Variants in LARGE1 observed in about 807,000 individuals in gnomAD.
LARGE1 encodes LARGE xylosyl- and glucuronyltransferase 1, also known as xylosyl- and glucuronyltransferase LARGE1.
A neutral mutation model predicts 87.6 loss-of-function variants in LARGE1; 43 were observed. The observed-to-expected ratio is 0.49, with a 90% CI of 0.38 to 0.63. The LOEUF is 0.63. Among genes scored for constraint, LARGE1 ranks in the 30% least tolerant of loss-of-function variants. The pLI, the probability that LARGE1 is intolerant of heterozygous loss-of-function variation, is 0.00. For synonymous variants in LARGE1, 434 were observed against 394.6 expected, an observed-to-expected ratio of 1.10 and a Z score of -1.18; for missense variants, 802 against 1,000.2, an observed-to-expected ratio of 0.80 and a Z score of 2.67.
At chr22:33,151,293 T>A in the LARGE1 span, among the ~76,000 whole-genome samples, 1 of 152,216 alleles carries the variant, frequency 6.6e-6, no homozygotes, top group South Asian at 2.1e-4. Context: ...TGTGTGTGTG[T>A]GTTGACCTTG....
intron 1 of LARGE1, among the ~76,000 whole-genome samples, chr22:33,895,146 A>G (rs2065104797): frequency 6.6e-6 from 1 of 152,126 alleles, no homozygotes; most frequent in South Asian, 2.1e-4. Context: ...TCTGGATGGG[A>G]CACACAAACC....
chr22:33,861,448 C>G (rs968666404), intron 1 of LARGE1: 2 of 152,170 alleles, frequency 1.3e-5, no homozygotes, highest in Non-Finnish European at 2.9e-5. Flanking sequence ...ACAGCAACAA[C>G]AAGAAATCAT....
Position 33,920,272 on chromosome 22 carries a change from G to C in LARGE1, c.-360C>G, listed in dbSNP as rs1284791726. 6.5e-6 allele frequency: 1 copy of C among 152,776 alleles called. No homozygotes were observed. The highest frequency in any genetic ancestry group is 1.5e-5 in the Non-Finnish European group (1 of 68,552). 9.5% of individuals were successfully genotyped at this position (152,776 alleles called of 1,614,324 possible). On this transcript the variant is annotated 5_prime_UTR_variant, in exon 1 of 15. Coordinates refer to ENST00000397394, the MANE Select transcript of LARGE1 (RefSeq NM_133642.5). ...GCCCGGGGGACTCTTCCGAGCCAGG[G>C]GCGCCCCGCATGGGCAGGGGCCTGG...
chr22:33,412,544 A>G lies in LARGE1; in HGVS notation c.892+19617T>C, dbSNP rs531355482. On this transcript the variant is annotated intron_variant, in intron 7 of 14. Transcript: ENST00000397394. ...CAGACGCAAACAACCTTAGAAGCAC[A>G]GAGAGTAAAGTGATTAGGAATTAAC... Among the ~76,000 whole-genome samples, 7 of 152,326 alleles carry G rather than the reference A, an allele frequency of 4.6e-5. No homozygotes were observed. The East Asian group carries it at 1.2e-3, about 25-fold the overall frequency.
At chr22:33,342,337 C>T (rs1449144687) in intron 9 of LARGE1, among the ~76,000 whole-genome samples, 5 of 152,248 alleles carry the variant, frequency 3.3e-5, no homozygotes, top group Middle Eastern at 3.4e-3. Context: ...CTATGGACCC[C>T]GCAAACAAAG....
intron 6 of LARGE1, among the ~76,000 whole-genome samples, chr22:33,452,557 C>A (rs2067973783): frequency 6.6e-6 from 1 of 152,254 alleles, no homozygotes; most frequent in Non-Finnish European, 1.5e-5. Context: ...AGTTTAGTAG[C>A]GAGTGGCAGG....
chr22:33,677,737 T>C (rs564042788), intron 2 of LARGE1, among the ~76,000 whole-genome samples: 1 of 139,718 alleles, frequency 7.2e-6, no homozygotes, highest in South Asian at 2.2e-4. Context: ...GTGGTACCAT[T>C]GCCCTGAGTC....
At chr22:33,792,288 C>T (rs1046069199) in intron 1 of LARGE1, among the ~76,000 whole-genome samples, 4 of 152,140 alleles carry the variant, frequency 2.6e-5, no homozygotes, top group African/African-American at 4.8e-5. Context: ...ATGCTATTCT[C>T]GTGATAATGA....
rs572564493 is a variant in LARGE1, at chr22:33,837,639, C to G, written c.-82-76081G>C. Among the ~76,000 whole-genome samples, 15 of 152,328 alleles carry G rather than the reference C, an allele frequency of 9.8e-5. No homozygotes were observed. The South Asian group carries it at 3.1e-3, about 32-fold the overall frequency. Reference sequence around the variant, plus strand: ...ACTATGATCATCTGAGTCCATGAGGCATCTTCAGGATGCCTCGGAAGAAGA... The same window carrying G: ...ACTATGATCATCTGAGTCCATGAGGGATCTTCAGGATGCCTCGGAAGAAGA... On this transcript the variant is annotated intron_variant, in intron 1 of 14. Coordinates refer to ENST00000397394, the MANE Select transcript of LARGE1 (RefSeq NM_133642.5).
intron 6 of LARGE1, among the ~76,000 whole-genome samples, chr22:33,451,284 G>A (rs752300243): frequency 6.6e-6 from 1 of 151,844 alleles, no homozygotes; most frequent in African/African-American, 2.4e-5. Flanking sequence ...AACAAGAGAG[G>A]GAACACATTT....
chr22:33,865,737 A>G (rs1178043578), intron 1 of LARGE1, among the ~76,000 whole-genome samples: 1 of 147,936 alleles, frequency 6.8e-6, no homozygotes, highest in African/African-American at 2.5e-5. Context: ...TTAACTTCTG[A>G]CTCTTGTTAA....
At chr22:33,402,561 G>T (rs1204024881) in intron 7 of LARGE1, among the ~76,000 whole-genome samples, 1 of 152,132 alleles carries the variant, frequency 6.6e-6, no homozygotes, top group Non-Finnish European at 1.5e-5. Flanking sequence ...ACCTTGGGCA[G>T]GTTACTTAAT....
chr22:33,441,071 C>CTTTTTTTTTTTTTTTTTTTTTTT lies in LARGE1; in HGVS notation c.788-8807_788-8806insAAAAAAAAAAAAAAAAAAAAAAA, dbSNP rs35976426. Among the ~76,000 whole-genome samples, 18 of 98,522 alleles carry CTTTTTTTTTTTTTTTTTTTTTTT rather than the reference C, an allele frequency of 1.8e-4. 1 individual carries two copies. Among genetic ancestry groups the CTTTTTTTTTTTTTTTTTTTTTTT allele is most frequent in the African/African-American group, 7.8e-4 (16 of 20,394 alleles). The allele number at this position is 98,522 out of a possible 152,430, so 64.6% of individuals were successfully genotyped here. On this transcript the variant is annotated intron_variant, in intron 6 of 14. Transcript: ENST00000397394. ...CTCAGCTGCTGCTATTTTGTTTGAA[C>CTTTTTTTTTTTTTTTTTTTTTTT]TTTTTTTTTTTTTTTTTTTTGAGAG...
intron 11 of LARGE1, among the ~76,000 whole-genome samples, chr22:33,255,681 A>AT (rs927029328): frequency 2.6e-5 from 4 of 152,010 alleles, no homozygotes; most frequent in African/African-American, 4.8e-5. Flanking sequence ...TCTTTATTTG[A>AT]TTTTTTAAGT....
At chr22:33,425,349 T>G (rs1028629655) in intron 7 of LARGE1, among the ~76,000 whole-genome samples, 3 of 152,176 alleles carry the variant, frequency 2.0e-5, no homozygotes, top group African/African-American at 7.2e-5. Context: ...TGAGAAGGTG[T>G]CCATGTGCAA....
intron 11 of LARGE1, among the ~76,000 whole-genome samples, chr22:33,188,980 C>G (rs192345768): frequency 6.6e-6 from 1 of 151,996 alleles, no homozygotes; most frequent in African/African-American, 2.4e-5. Flanking sequence ...CTTCAGTGAT[C>G]GTGGACACAA....
intron 14 of LARGE1, among the ~76,000 whole-genome samples, chr22:33,275,894 TTGTC>T (rs1929172907): frequency 6.6e-6 from 1 of 152,186 alleles, no homozygotes; most frequent in African/African-American, 2.4e-5. Context: ...CTGAACACTG[TTGTC>T]TGTGAGTGGC....
At chr22:33,369,004 C>T (rs2064704158) in intron 9 of LARGE1, among the ~76,000 whole-genome samples, 1 of 151,974 alleles carries the variant, frequency 6.6e-6, no homozygotes, top group Non-Finnish European at 1.5e-5. Flanking sequence ...GTGGTTGTGG[C>T]CAATTTCTTA....
intron 1 of LARGE1, among the ~76,000 whole-genome samples, chr22:33,779,639 T>G (rs907765855): frequency 6.6e-6 from 1 of 151,766 alleles, no homozygotes; most frequent in Non-Finnish European, 1.5e-5. Flanking sequence ...AATTGCCAGA[T>G]GTGGAGGTGT....
Sources: gnomAD v4.1 joint callset for allele counts (sites outside exome capture counted in the v4.1 genomes callset) on GRCh38, gnomAD v4.1.1 for gene constraint, MANE v1.5 for transcripts, NCBI Gene and HGNC (gene_info 2026-07-23, HGNC 2026-07-21) for gene names.